CNTN5: variants seen among roughly 807,000 people sequenced by gnomAD.
CNTN5 encodes contactin-5.
In CNTN5, 77 loss-of-function variants were observed where a neutral mutation model predicts 129.1. That is an observed-to-expected ratio of 0.60 (90% CI 0.50 to 0.72). The LOEUF (loss-of-function observed/expected upper bound fraction) is 0.72, where lower values mean the gene tolerates loss of function less well. Ranked by LOEUF, CNTN5 falls within the 30% of genes least tolerant of loss-of-function variation. The pLI is 0.00. For synonymous variants in CNTN5, 509 were observed against 465.6 expected, an observed-to-expected ratio of 1.09 and a Z score of -1.20; for missense variants, 1,478 against 1,328.8, an observed-to-expected ratio of 1.11 and a Z score of -1.75.
intron 2 of CNTN5, among the ~76,000 whole-genome samples, chr11:99,457,603 C>G (rs1379304541): frequency 6.6e-6 from 1 of 151,746 alleles, no homozygotes; most frequent in Non-Finnish European, 1.5e-5. Context: ...AAATTTTTAA[C>G]AGGAATTTTG....
chr11:99,239,001 T>C (rs1021072395), intron 1 of CNTN5, among the ~76,000 whole-genome samples: 7 of 147,044 alleles, frequency 4.8e-5, no homozygotes, highest in African/African-American at 1.9e-4. Flanking sequence ...ACTCTATGAC[T>C]TTTTTTACAG....
intron 1 of CNTN5, among the ~76,000 whole-genome samples, chr11:99,079,262 A>G (rs1392864679): frequency 6.6e-6 from 1 of 152,202 alleles, no homozygotes; most frequent in Non-Finnish European, 1.5e-5. Context: ...TCCTGACAAC[A>G]GAAAATTAAA....
At chr11:99,723,689 T>G (rs2135045136) in intron 3 of CNTN5, among the ~76,000 whole-genome samples, 1 of 152,234 alleles carries the variant, frequency 6.6e-6, no homozygotes, top group African/African-American at 2.4e-5. Context: ...TATTTTCTAT[T>G]TTGTTATTTT....
chr11:99,867,731 G>A (rs1948393092), intron 6 of CNTN5, among the ~76,000 whole-genome samples: 1 of 152,038 alleles, frequency 6.6e-6, no homozygotes. Flanking sequence ...TCTATTATAA[G>A]GTCAGGTGAT....
At chr11:100,053,436 T>C (rs1424463805) in intron 9 of CNTN5, among the ~76,000 whole-genome samples, 1 of 151,688 alleles carries the variant, frequency 6.6e-6, no homozygotes, top group Non-Finnish European at 1.5e-5. Flanking sequence ...AACCAAAGAT[T>C]TGAGTATGCG....
intron 1 of CNTN5, among the ~76,000 whole-genome samples, chr11:99,238,880 G>T (rs1861408290): frequency 6.6e-6 from 1 of 151,988 alleles, no homozygotes; most frequent in African/African-American, 2.4e-5. Flanking sequence ...TATATTGATA[G>T]GAAAATAATT....
chr11:99,590,718 A>G (rs913841388), intron 3 of CNTN5, among the ~76,000 whole-genome samples: 11 of 152,220 alleles, frequency 7.2e-5, no homozygotes, highest in African/African-American at 2.4e-4. Context: ...AAAAGGAGGC[A>G]AACACAGAAA....
intron 2 of CNTN5, among the ~76,000 whole-genome samples, chr11:99,466,409 T>G (rs1471470575): frequency 6.6e-6 from 1 of 152,186 alleles, no homozygotes; most frequent in African/African-American, 2.4e-5. Context: ...AAAATTCACT[T>G]TACCTTCTCG....
rs1011953928 is a variant in CNTN5, at chr11:99,916,757, A to G, written c.673+608A>G. On this transcript the variant is annotated intron_variant, in intron 7 of 24. Coordinates refer to ENST00000524871, the MANE Select transcript of CNTN5 (RefSeq NM_014361.4). ...TCCTTTTGCAAGCTTACACCTAATT[A>G]TATCTATTTTGTTTGAGTTTCATAA... Among the ~76,000 whole-genome samples the G allele has an allele frequency of 3.3e-5, 5 of 152,054 alleles. No individual in the cohort carries two copies. In the South Asian group the frequency reaches 8.3e-4, roughly 25 times the overall value.
At chr11:99,736,956 C>A (rs905907238) in intron 3 of CNTN5, among the ~76,000 whole-genome samples, 1 of 151,696 alleles carries the variant, frequency 6.6e-6, no homozygotes, top group African/African-American at 2.4e-5. Flanking sequence ...TCATAAAAGC[C>A]TGGGAAATTA....
intron 1 of CNTN5, among the ~76,000 whole-genome samples, chr11:99,295,252 T>C (rs1228006753): frequency 6.6e-6 from 1 of 152,194 alleles, no homozygotes; most frequent in Non-Finnish European, 1.5e-5. Flanking sequence ...CTTGACTAAG[T>C]AGTATTTTCA....
chr11:100,111,920 T>A (rs1945670201), intron 13 of CNTN5, among the ~76,000 whole-genome samples: 1 of 152,200 alleles, frequency 6.6e-6, no homozygotes, highest in Non-Finnish European at 1.5e-5. Flanking sequence ...AATTTAGTAG[T>A]TTCTTAACAT....
intron 3 of CNTN5, among the ~76,000 whole-genome samples, chr11:99,767,819 C>G (rs951197513): frequency 6.6e-6 from 1 of 152,026 alleles, no homozygotes; most frequent in Non-Finnish European, 1.5e-5. Flanking sequence ...ATTTCCACTT[C>G]TATAATAAAA....
intron 3 of CNTN5, among the ~76,000 whole-genome samples, chr11:99,766,202 C>G (rs953377820): frequency 2.6e-5 from 4 of 151,994 alleles, no homozygotes; most frequent in Non-Finnish European, 5.9e-5. Context: ...GAAGCAATTT[C>G]AAAAGGTATT....
At chr11:100,235,938 A>G (rs1217986580) in intron 16 of CNTN5, among the ~76,000 whole-genome samples, 2 of 152,070 alleles carry the variant, frequency 1.3e-5, no homozygotes, top group African/African-American at 4.8e-5. Context: ...ACCCTGGCCT[A>G]CGAATGAAAT....
At chr11:99,404,706 ACTGT>A (rs1345867504) in intron 2 of CNTN5, among the ~76,000 whole-genome samples, 1 of 152,266 alleles carries the variant, frequency 6.6e-6, no homozygotes, top group East Asian at 1.9e-4. Context: ...ATCTTATTGT[ACTGT>A]CTGTCTTAAA....
intron 3 of CNTN5, among the ~76,000 whole-genome samples, chr11:99,782,676 T>G (rs1441729851): frequency 6.6e-6 from 1 of 151,922 alleles, no homozygotes; most frequent in Non-Finnish European, 1.5e-5. Flanking sequence ...TAACGCCGCA[T>G]ATCCACAACT....
intron 1 of CNTN5, among the ~76,000 whole-genome samples, chr11:99,256,687 G>T (rs1862391666): frequency 6.6e-6 from 1 of 151,896 alleles, no homozygotes; most frequent in African/African-American, 2.4e-5. Flanking sequence ...ACTCTTTTCA[G>T]TGGCTTCTAT....
At chr11:99,952,584 C>CT (rs1950703012) in intron 7 of CNTN5, among the ~76,000 whole-genome samples, 1 of 151,950 alleles carries the variant, frequency 6.6e-6, no homozygotes, top group Non-Finnish European at 1.5e-5. Flanking sequence ...CAGGCTGGAG[C>CT]GCAGTGGCAC....
Sources: gnomAD v4.1 joint callset for allele counts (sites outside exome capture counted in the v4.1 genomes callset) on GRCh38, gnomAD v4.1.1 for gene constraint, MANE v1.5 for transcripts, NCBI Gene and HGNC (gene_info 2026-07-23, HGNC 2026-07-21) for gene names.